PRDM16: variants seen among roughly 807,000 people sequenced by gnomAD.
PRDM16 encodes PR/SET domain 16.
PRDM16 carries 23 observed loss-of-function variants against 110.6 expected under a neutral mutation model. The ratio of observed to expected loss-of-function variants is 0.21; its 90% CI spans 0.15 to 0.29. The LOEUF (loss-of-function observed/expected upper bound fraction) is 0.29, where lower values mean the gene tolerates loss of function less well. Ranked by LOEUF, PRDM16 falls within the 10% of genes least tolerant of loss-of-function variation. The pLI is 1.00. For missense variants in PRDM16, 1,615 were observed against 1,794.3 expected (o/e 0.90, Z 1.81); for synonymous variants, 799 against 781.8 (o/e 1.02, Z -0.37).
At chr1:3,385,312 T>A in intron 4 of PRDM16, 26 bp downstream of exon 4, 1 of 1,611,612 alleles carries the variant, frequency 6.2e-7, no homozygotes, top group Non-Finnish European at 8.5e-7. Context: ...TAACAGGGGC[T>A]TCTGCCTCTT....
chr1:3,321,698 T>C (rs868156013), intron 3 of PRDM16, among the ~76,000 whole-genome samples: 2 of 149,854 alleles, frequency 1.3e-5, no homozygotes, highest in African/African-American at 4.9e-5. Flanking sequence ...CACGTGTGTG[T>C]GCTTTGTGTG....
chr1:3,075,879 G>A (rs535840952), intron 1 of PRDM16, among the ~76,000 whole-genome samples: 1 of 152,166 alleles, frequency 6.6e-6, no homozygotes, highest in South Asian at 2.1e-4. Flanking sequence ...GATCCACCTC[G>A]GGCCAGAGGG....
intron 1 of PRDM16, among the ~76,000 whole-genome samples, chr1:3,144,666 T>C (rs12750175): frequency 0.067 from 10,213 of 152,242 alleles, 472 homozygotes; most frequent in East Asian, 0.12. Context: ...AACCAAGGCG[T>C]GGGGGCTTTG....
In PRDM16 at chr1:3,436,032, G is replaced by A. The variant is rs535962299; in HGVS notation, c.*2221G>A. On this transcript the variant is annotated 3_prime_UTR_variant, in exon 17 of 17. Transcript: ENST00000270722. ...AACACAACTGCTCAGGCCTTCTCAC[G>A]CGTTTCCACAACATCCCCTGGGTCA... 4.3e-5 allele frequency: 10 copies of A among 230,516 alleles called. No homozygotes were observed. The highest frequency in any genetic ancestry group is 1.1e-4 in the African/African-American group (5 of 45,254). 14.3% of individuals were successfully genotyped at this position (230,516 alleles called of 1,614,324 possible).
At chr1:3,219,838 C>A (rs1458353945) in intron 2 of PRDM16, among the ~76,000 whole-genome samples, 1 of 152,176 alleles carries the variant, frequency 6.6e-6, no homozygotes, top group Non-Finnish European at 1.5e-5. Context: ...CCACCTCTGG[C>A]AAGCCGGAGG....
intron 2 of PRDM16, among the ~76,000 whole-genome samples, chr1:3,215,048 C>T (rs1638987826): frequency 6.6e-6 from 1 of 152,168 alleles, no homozygotes; most frequent in Non-Finnish European, 1.5e-5. Context: ...GGTATTTTTT[C>T]AGCCAATGGG....
intron 1 of PRDM16, among the ~76,000 whole-genome samples, chr1:3,181,676 G>GTGCAGTCTTACATATGGTCTTACACA (rs1557509968): frequency 2.9e-5 from 1 of 34,948 alleles, no homozygotes; most frequent in African/African-American, 1.2e-4. Context: ...AGTCTTACAC[G>GTGCAGTCTTACATATGGTCTTACACA]CGCAGTCTTA....
chr1:3,386,227 A>C (rs890757108), intron 4 of PRDM16, among the ~76,000 whole-genome samples: 3 of 145,798 alleles, frequency 2.1e-5, no homozygotes, highest in Non-Finnish European at 3.0e-5. Flanking sequence ...GTCATACATG[A>C]GATTTCATTT....
chr1:3,295,346 G>A (rs1641063498), intron 3 of PRDM16, among the ~76,000 whole-genome samples: 1 of 152,124 alleles, frequency 6.6e-6, no homozygotes, highest in Non-Finnish European at 1.5e-5. Context: ...TGCCAGTGCT[G>A]GGAGGGGACT....
chr1:3,419,822 C>T (rs535912779), intron 12 of PRDM16, among the ~76,000 whole-genome samples: 1 of 152,120 alleles, frequency 6.6e-6, no homozygotes, highest in East Asian at 1.9e-4. Context: ...CAAGCATCCC[C>T]GGCTGCCCCA....
At chr1:3,378,246 C>A (rs561531784) in intron 3 of PRDM16, among the ~76,000 whole-genome samples, 1 of 152,316 alleles carries the variant, frequency 6.6e-6, no homozygotes, top group African/African-American at 2.4e-5. Context: ...ATCCAGAGCC[C>A]AGGGAGGCCC....
At chr1:3,217,884 G>A (rs1162078161) in intron 2 of PRDM16, among the ~76,000 whole-genome samples, 6 of 152,204 alleles carry the variant, frequency 3.9e-5, no homozygotes, top group Admixed American at 6.5e-5. Context: ...CTCCCCACAC[G>A]AGGTTTTGGG....
chr1:3,112,440 G>A (rs1034200840), intron 1 of PRDM16, among the ~76,000 whole-genome samples: 1 of 152,240 alleles, frequency 6.6e-6, no homozygotes, highest in Non-Finnish European at 1.5e-5. Context: ...TTTCAAGTAA[G>A]AGGAGCCCCG....
At chr1:3,328,181 C>G (rs1641959534) in intron 3 of PRDM16, among the ~76,000 whole-genome samples, 1 of 152,228 alleles carries the variant, frequency 6.6e-6, no homozygotes, top group South Asian at 2.1e-4. Context: ...CCCCTGTCCC[C>G]AGGCACCACA....
intron 1 of PRDM16, among the ~76,000 whole-genome samples, chr1:3,096,043 C>G (rs1238540232): frequency 6.6e-6 from 1 of 152,076 alleles, no homozygotes; most frequent in East Asian, 1.9e-4. Flanking sequence ...CCCTCGGGAC[C>G]TGCCCCCTAA....
chr1:3,321,827 T>C (rs1641759403), intron 3 of PRDM16, among the ~76,000 whole-genome samples: 1 of 150,862 alleles, frequency 6.6e-6, no homozygotes, highest in African/African-American at 2.4e-5. Context: ...CATGTGTACA[T>C]GTGTGCATTT....
intron 3 of PRDM16, among the ~76,000 whole-genome samples, chr1:3,291,456 A>G (rs1640971474): frequency 6.6e-6 from 1 of 152,136 alleles, no homozygotes. Context: ...GACCTTTGGA[A>G]GATACCCCAA....
chr1:3,143,028 G>A lies in PRDM16; in HGVS notation c.38-43097G>A, dbSNP rs1643581927. Among the ~76,000 whole-genome samples the A allele has an allele frequency of 6.6e-6, 1 of 152,262 alleles. No individual in the cohort carries two copies. Among genetic ancestry groups the A allele is most frequent in the Admixed American group, 6.5e-5 (1 of 15,294 alleles). On this transcript the variant is annotated intron_variant, in intron 1 of 16. Transcript: ENST00000270722. This position sits in a 1 kb window ranked among gnomAD's most constrained non-coding sequence, Gnocchi z 4.5. ...TGCTGGGATGCAGGATTCGGGCTGT[G>A]TTGCTGATGAGATCACATAGGGGCT...
rs1241390391 is a variant in PRDM16 at position 3,438,064 on chromosome 1, A to G, written c.*4253A>G. ...TTTGTTTTTTCTTTTAGAACTGTATAGTATTGAAAAAGAAATCAAATGTAA... is the reference window on the plus strand; with the variant it reads ...TTTGTTTTTTCTTTTAGAACTGTATGGTATTGAAAAAGAAATCAAATGTAA... On this transcript the variant is annotated 3_prime_UTR_variant, in exon 17 of 17. Coordinates refer to ENST00000270722, the MANE Select transcript of PRDM16 (RefSeq NM_022114.4). 1 of 207,750 alleles carries G rather than the reference A, an allele frequency of 4.8e-6. No homozygotes were observed. The highest frequency in any genetic ancestry group is 9.8e-6 in the Non-Finnish European group (1 of 101,862). 12.9% of individuals were successfully genotyped at this position (207,750 alleles called of 1,614,324 possible).
Sources: gnomAD v4.1 joint callset for allele counts (sites outside exome capture counted in the v4.1 genomes callset) on GRCh38, gnomAD v4.1.1 for gene constraint, Gnocchi (gnomAD v3.1) non-coding constraint, MANE v1.5 for transcripts, NCBI Gene and HGNC (gene_info 2026-07-23, HGNC 2026-07-21) for gene names.